GLIS3: variants seen among roughly 807,000 people sequenced by gnomAD.
GLIS3 encodes zinc finger protein GLIS3.
A neutral mutation model predicts 78.6 loss-of-function variants in GLIS3; 53 were observed. That is an observed-to-expected ratio of 0.67 (90% CI 0.54 to 0.85). The LOEUF (loss-of-function observed/expected upper bound fraction) is 0.85. Among genes scored for constraint, GLIS3 ranks in the 40% least tolerant of loss-of-function variants. The pLI, the probability that GLIS3 is intolerant of heterozygous loss-of-function variation, is 0.00. For synonymous variants in GLIS3, 684 were observed against 509.9 expected (o/e 1.34, Z -4.60); for missense variants, 1,703 against 1,231.1 (o/e 1.38, Z -5.74).
At chr9:4,341,655 A>G (rs1817835515) in intron 2 of GLIS3, among the ~76,000 whole-genome samples, 1 of 152,204 alleles carries the variant, frequency 6.6e-6, no homozygotes, top group Non-Finnish European at 1.5e-5. Flanking sequence ...CCAATAGAAA[A>G]AGACCACAGT....
intron 6 of GLIS3, among the ~76,000 whole-genome samples, chr9:3,917,861 G>A (rs1588222422): frequency 6.6e-6 from 1 of 152,148 alleles, no homozygotes; most frequent in Non-Finnish European, 1.5e-5. Context: ...GTGAAGTGTT[G>A]CACTGCCTTT....
chr9:4,113,564 T>G (rs988084085), intron 4 of GLIS3, among the ~76,000 whole-genome samples: 9 of 152,248 alleles, frequency 5.9e-5, no homozygotes, highest in Admixed American at 2.0e-4. Flanking sequence ...TATGCTTACA[T>G]GATATTTTCC....
intron 2 of GLIS3, among the ~76,000 whole-genome samples, chr9:4,251,662 G>T (rs758086808): frequency 1.3e-4 from 20 of 152,200 alleles, no homozygotes; most frequent in African/African-American, 4.3e-4. Flanking sequence ...ATGCTAGCTG[G>T]TTATTTTGCC....
At chr9:3,912,944 T>A (rs1824249772) in intron 6 of GLIS3, among the ~76,000 whole-genome samples, 1 of 152,236 alleles carries the variant, frequency 6.6e-6, no homozygotes, top group African/African-American at 2.4e-5. Context: ...ATTGCACTAA[T>A]GTGACCACAC....
At chr9:4,237,661 T>A (rs914107178) in intron 2 of GLIS3, among the ~76,000 whole-genome samples, 3 of 152,244 alleles carry the variant, frequency 2.0e-5, no homozygotes, top group African/African-American at 7.2e-5. Flanking sequence ...GTACAGTTTG[T>A]CAAACTGTTG....
At chr9:4,030,898 A>T (rs1823779870) in intron 4 of GLIS3, among the ~76,000 whole-genome samples, 1 of 152,236 alleles carries the variant, frequency 6.6e-6, no homozygotes, top group African/African-American at 2.4e-5. Flanking sequence ...AAAGCTGCTC[A>T]AAAAGATGCT....
chr9:4,244,102 T>G (rs779887757), intron 2 of GLIS3, among the ~76,000 whole-genome samples: 8 of 152,150 alleles, frequency 5.3e-5, no homozygotes, highest in Admixed American at 2.0e-4. Flanking sequence ...TAACTAACAT[T>G]CCAAGCCTTC....
chr9:4,336,717 A>T (rs1453691814), intron 2 of GLIS3, among the ~76,000 whole-genome samples: 1 of 152,234 alleles, frequency 6.6e-6, no homozygotes, highest in Non-Finnish European at 1.5e-5. Context: ...GAAACGTGCG[A>T]TGTTCACTGC....
chr9:4,362,395 G>C, the GLIS3 span, among the ~76,000 whole-genome samples: 1 of 152,170 alleles, frequency 6.6e-6, no homozygotes, highest in African/African-American at 2.4e-5. Flanking sequence ...GATGTAGTAA[G>C]AAAACAGGAA....
chr9:4,079,894 A>C (rs1476934643), intron 4 of GLIS3, among the ~76,000 whole-genome samples: 1 of 152,192 alleles, frequency 6.6e-6, no homozygotes, highest in Non-Finnish European at 1.5e-5. Context: ...ATTTAAAAAA[A>C]AGGGAAGAAA....
intron 9 of GLIS3, among the ~76,000 whole-genome samples, chr9:3,836,954 T>G (rs1287165657): frequency 2.0e-5 from 3 of 152,238 alleles, no homozygotes; most frequent in African/African-American, 7.2e-5. Context: ...ATCCTGGATC[T>G]GGAGGACCCC....
At chr9:4,327,123 A>C (rs144640891) in intron 2 of GLIS3, among the ~76,000 whole-genome samples, 1 of 152,254 alleles carries the variant, frequency 6.6e-6, no homozygotes, top group East Asian at 1.9e-4. Context: ...GAGCTGAGAG[A>C]AAGATTGATT....
chr9:4,472,618 G>C, the GLIS3 span, among the ~76,000 whole-genome samples: 2 of 147,170 alleles, frequency 1.4e-5, no homozygotes, highest in African/African-American at 5.0e-5. Flanking sequence ...GGGGTGTGGG[G>C]AGGGGGGAGG....
intron 4 of GLIS3, among the ~76,000 whole-genome samples, chr9:4,067,509 C>T (rs541089746): frequency 6.6e-6 from 1 of 152,022 alleles, no homozygotes; most frequent in East Asian, 1.9e-4. Context: ...AACACAACAG[C>T]CATGAAGAAT....
chr9:4,244,474 C>G (rs1302959840), intron 2 of GLIS3, among the ~76,000 whole-genome samples: 1 of 152,130 alleles, frequency 6.6e-6, no homozygotes, highest in African/African-American at 2.4e-5. Context: ...GTTGTTTATT[C>G]TGAAAACTAC....
intron 2 of GLIS3, among the ~76,000 whole-genome samples, chr9:4,198,876 C>A (rs188357215): frequency 9.6e-4 from 146 of 152,294 alleles, no homozygotes; most frequent in Non-Finnish European, 6.6e-4. Flanking sequence ...CAGCAGAAAC[C>A]TTATAAGCCA....
chr9:4,351,892 G>C (rs78101767), upstream of GLIS3, among the ~76,000 whole-genome samples: 7 of 152,132 alleles, frequency 4.6e-5, no homozygotes, highest in Non-Finnish European at 8.8e-5. Flanking sequence ...ACAGGATTCT[G>C]AATCTGGAGA....
the GLIS3 span, among the ~76,000 whole-genome samples, chr9:4,420,330 C>A: frequency 2.0e-5 from 3 of 152,160 alleles, no homozygotes; most frequent in African/African-American, 7.2e-5. Context: ...ATCACTGAAG[C>A]CATATTCTAT....
intron 8 of GLIS3, among the ~76,000 whole-genome samples, chr9:3,857,503 T>G (rs1383092757): frequency 1.3e-5 from 2 of 152,144 alleles, no homozygotes; most frequent in Non-Finnish European, 2.9e-5. Flanking sequence ...TCTCATGTTC[T>G]TTTTGCTTTT....
Sources: gnomAD v4.1 joint callset for allele counts (sites outside exome capture counted in the v4.1 genomes callset) on GRCh38, gnomAD v4.1.1 for gene constraint, MANE v1.5 for transcripts, NCBI Gene and HGNC (gene_info 2026-07-23, HGNC 2026-07-21) for gene names.